EPS8L1: variants seen among roughly 807,000 people sequenced by gnomAD.
The protein encoded by EPS8L1 is epidermal growth factor receptor kinase substrate 8-like protein 1.
A neutral mutation model predicts 91.7 loss-of-function variants in EPS8L1; 101 were observed. That is an observed-to-expected ratio of 1.10 (90% CI 0.94 to 1.30). The LOEUF is 1.30. Ranked by LOEUF, EPS8L1 falls within the 50% of genes most tolerant of loss-of-function variation. The probability of loss-of-function intolerance (pLI) is 0.00; values close to 1 mark genes in which losing one functional copy is unlikely to be tolerated. For synonymous variants in EPS8L1, 506 were observed against 445.3 expected, an observed-to-expected ratio of 1.14 and a Z score of -1.72; for missense variants, 1,114 against 1,017.0, an observed-to-expected ratio of 1.10 and a Z score of -1.30.
Position 55,086,857 on chromosome 19 carries a change from G to C in EPS8L1, c.1921G>C (p.Ala641Pro). The C allele has an allele frequency of 1.4e-6, 2 of 1,479,458 alleles. No individual in the cohort carries two copies. Among genetic ancestry groups the C allele is most frequent in the Non-Finnish European group, 1.8e-6 (2 of 1,120,990 alleles). The allele number at this position is 1,479,458 out of a possible 1,614,324, so 91.6% of individuals were successfully genotyped here. ...SPGSDASEVR[A>P]WLQAKGFSSG... ...GGGCTCGGACGCCTCCGAGGTCCGC[G>C]CCTGGCTGCAGGCCAAGGGCTTTAG... is the stretch of plus-strand genomic sequence containing the variant. Residue 641 changes from alanine (A) to proline (P), a missense_variant, in exon 18 of 20, where the codon GCC (alanine) becomes CCC (proline). Transcript: ENST00000201647.
rs777798635 is a variant in EPS8L1 at position 55,082,415 on chromosome 19, G to A, written c.1066-39G>A. On this transcript the variant is annotated intron_variant, in intron 11 of 19. Transcript: ENST00000201647. ...AGGAATCGGGTTCGACTTGTAGAAG[G>A]TGTGGCGGCACAGCCTGCCCCTCCT... 10 of 1,611,558 alleles carry A rather than the reference G, an allele frequency of 6.2e-6. No individual in the cohort carries two copies. In the Admixed American group the frequency reaches 6.7e-5, roughly 11 times the overall value.
chr19:55,077,030 G>A (rs2076146152), intron 2 of EPS8L1, among the ~76,000 whole-genome samples: 2 of 152,186 alleles, frequency 1.3e-5, no homozygotes, highest in African/African-American at 4.8e-5. Flanking sequence ...GGTGACATCA[G>A]ACTGGCAGGA....
chr19:55,085,493 T>C (rs774848131), intron 14 of EPS8L1, among the ~76,000 whole-genome samples: 24 of 152,088 alleles, frequency 1.6e-4, no homozygotes, highest in Non-Finnish European at 3.4e-4. Context: ...TGCTTATGAG[T>C]TATGATATAT....
chr19:55,083,367 C>G lies in EPS8L1; in HGVS notation c.1215-11C>G. On this transcript the variant is annotated splice_polypyrimidine_tract_variant and intron_variant, in intron 12 of 19. Transcript: ENST00000201647. The surrounding 1 kb of genome is among the most constrained non-coding windows in gnomAD (Gnocchi z 4.7). ...GGATCCCTGAGCTCTTGGCCCTGTC[C>G]CTGGCCGCAGGCTGGAGCTGTCCCC... 6.2e-7 allele frequency: 1 copy of G among 1,611,608 alleles called. No individual in the cohort carries two copies.
intron 11 of EPS8L1, 26 bp downstream of exon 11, chr19:55,082,375 C>A (rs762964444): frequency 1.2e-6 from 2 of 1,612,110 alleles, no homozygotes; most frequent in Non-Finnish European, 1.7e-6. Context: ...GGCCCTCGGG[C>A]CCCCCTGCAG....
rs571265611 is a variant in EPS8L1, at chr19:55,080,779, T to C, written c.437T>C (p.Leu146Pro). The change falls in exon 7 of 20, where the codon CTG becomes CCG. Residue 146 changes from leucine (L) to proline (P), a missense_variant. Coordinates refer to ENST00000201647, the MANE Select transcript of EPS8L1 (RefSeq NM_133180.3). Reference sequence around the variant, plus strand: ...TGACGGTGTGATTGGCAGGCGGAGCTGATCCGAGAGGACATCCAGGGGGCT... The same window carrying C: ...TGACGGTGTGATTGGCAGGCGGAGCCGATCCGAGAGGACATCCAGGGGGCT... ...FFQGLRLGAELIREDIQGALH... is the reference protein window; with the variant it reads ...FFQGLRLGAEPIREDIQGALH... 20 of 1,607,934 alleles carry C rather than the reference T, an allele frequency of 1.2e-5. No homozygotes were observed. In the East Asian group the frequency reaches 4.3e-4, roughly 34 times the overall value.
chr19:55,086,643 G>GC, intron 17 of EPS8L1, 71 bp from the exon 18 acceptor site: 2 of 817,508 alleles, frequency 2.4e-6, no homozygotes, highest in South Asian at 1.8e-5. Context: ...GCGCCCCCCC[G>GC]CCCCGCCCTC....
At chr19:55,080,580 C>G (rs530891779) in intron 6 of EPS8L1, 192 bp from the exon 7 acceptor site, 1 of 1,605,020 alleles carries the variant, frequency 6.2e-7, no homozygotes, top group South Asian at 1.1e-5. Context: ...TCTCCATGGG[C>G]GGGGTCGTGG....
chr19:55,078,154 G>C (rs2076169276), intron 3 of EPS8L1, 26 bp downstream of exon 3: 1 of 1,611,738 alleles, frequency 6.2e-7, no homozygotes, highest in Non-Finnish European at 8.5e-7. Context: ...GGGAGCCCCA[G>C]GCCCATAGAA....
chr19:55,082,191 G>T lies in EPS8L1; in HGVS notation c.990+11G>T, dbSNP rs1602940053. The T allele has an allele frequency of 6.3e-7, 1 of 1,588,922 alleles. No individual in the cohort carries two copies. Among genetic ancestry groups the T allele is most frequent in the East Asian group, 2.3e-5 (1 of 43,604 alleles). ...GCCTTCAGCCTGCTGGTGAGGACGC[G>T]CCCGCCCCTGGGCCGGGGCGCGGGC... On this transcript the variant is annotated intron_variant, in intron 10 of 19. Coordinates refer to ENST00000201647, the MANE Select transcript of EPS8L1 (RefSeq NM_133180.3).
In EPS8L1 at chr19:55,086,205, A is replaced by C; in HGVS notation, c.1650+13A>C. 1 of 1,592,424 alleles carries C rather than the reference A, an allele frequency of 6.3e-7. No individual in the cohort carries two copies. Among genetic ancestry groups the C allele is most frequent in the Non-Finnish European group, 8.6e-7 (1 of 1,168,792 alleles). On this transcript the variant is annotated intron_variant, in intron 16 of 19. Transcript: ENST00000201647. ...TGCCCGCAGCCTGGTGAGCCAGCGCAGACGCTGGGATCTTGAGGGTGGAGA... is the reference window on the plus strand; with the variant it reads ...TGCCCGCAGCCTGGTGAGCCAGCGCCGACGCTGGGATCTTGAGGGTGGAGA...
rs2076322258 is a variant in EPS8L1, at chr19:55,083,701, C to T, written c.1385+57C>T. ...GTCAAGGAGGGGTGCGTCCCGGGGG[C>T]TCCCGATGCTGACTCCGCCCCCTTT... On this transcript the variant is annotated intron_variant, in intron 14 of 19. Transcript: ENST00000201647. The surrounding 1 kb of genome is among the most constrained non-coding windows in gnomAD (Gnocchi z 4.7). 6.4e-7 allele frequency: 1 copy of T among 1,563,986 alleles called. No homozygotes were observed. Among genetic ancestry groups the T allele is most frequent in the African/African-American group, 1.4e-5 (1 of 73,990 alleles).
rs1296501855 is a variant in EPS8L1, at chr19:55,080,778, C to G, written c.436C>G (p.Leu146Val). Residue 146 changes from leucine (L) to valine (V), a missense_variant, in exon 7 of 20, where the codon CTG becomes GTG. Physicochemically the swap from Leu to Val is conservative, Grantham distance 32 (BLOSUM62 1). Transcript: ENST00000201647. Reference protein sequence around the residue: ...FFQGLRLGAELIREDIQGALH... With the variant: ...FFQGLRLGAEVIREDIQGALH... Reference sequence around the variant, plus strand: ...CTGACGGTGTGATTGGCAGGCGGAGCTGATCCGAGAGGACATCCAGGGGGC... The same window carrying G: ...CTGACGGTGTGATTGGCAGGCGGAGGTGATCCGAGAGGACATCCAGGGGGC... 5 of 1,606,150 alleles carry G rather than the reference C, an allele frequency of 3.1e-6. No individual in the cohort carries two copies. In the African/African-American group the frequency reaches 5.3e-5, roughly 17 times the overall value.
Position 55,083,787 on chromosome 19 carries a change from G to T in EPS8L1, c.1385+143G>T. The stretch of plus-strand genomic sequence containing the variant: ...CTCAGGTGGGTGAGATGGTGATGGG[G>T]CGGGCCGGGGCTGGGAGAGAGGGAG... On this transcript the variant is annotated intron_variant, in intron 14 of 19. Coordinates refer to ENST00000201647, the MANE Select transcript of EPS8L1 (RefSeq NM_133180.3). This position sits in a 1 kb window ranked among gnomAD's most constrained non-coding sequence, Gnocchi z 4.7. 1 of 1,072,224 alleles carries T rather than the reference G, an allele frequency of 9.3e-7. No individual in the cohort carries two copies. The highest frequency in any genetic ancestry group is 1.4e-6 in the Non-Finnish European group (1 of 721,046). The allele number at this position is 1,072,224 out of a possible 1,614,324, so 66.4% of individuals were successfully genotyped here.
At position 55,083,272 on chromosome 19, in the gene EPS8L1, T is replaced by C. The variant is rs2076309061; in HGVS notation, c.1215-106T>C. ...GTGAAAAGTGGCGGGGCTAGAATCG[T>C]TGGAATACAGCGAGCTTTAGGGGAA... On this transcript the variant is annotated intron_variant, in intron 12 of 19. Coordinates refer to ENST00000201647, the MANE Select transcript of EPS8L1 (RefSeq NM_133180.3). The surrounding 1 kb of genome is among the most constrained non-coding windows in gnomAD (Gnocchi z 4.7). 1 of 1,430,870 alleles carries C rather than the reference T, an allele frequency of 7.0e-7. No individual in the cohort carries two copies. The highest frequency in any genetic ancestry group is 9.4e-7 in the Non-Finnish European group (1 of 1,064,664). The allele number at this position is 1,430,870 out of a possible 1,614,324, so 88.6% of individuals were successfully genotyped here.
rs139740799 is a variant in EPS8L1, at chr19:55,077,772, A to G, written c.18-316A>G. ...CCCAGCTAATTTTTGTATTTTTAGT[A>G]GAGACAGGGTTTCACCATGTTGGCC... On this transcript the variant is annotated intron_variant, in intron 2 of 19. Transcript: ENST00000201647. Among the ~76,000 whole-genome samples the G allele has an allele frequency of 4.1e-4, 62 of 150,842 alleles. No homozygotes were observed. The East Asian group carries it at 0.011, about 26-fold the overall frequency.
intron 14 of EPS8L1, 42 bp from the exon 15 acceptor site, chr19:55,085,799 G>A (rs2076346267): frequency 6.3e-7 from 1 of 1,591,668 alleles, no homozygotes; most frequent in African/African-American, 1.3e-5. Flanking sequence ...GAGCAATGGG[G>A]CTGGCTGCCT....
intron 2 of EPS8L1, among the ~76,000 whole-genome samples, chr19:55,077,737 C>T (rs1392394737): frequency 1.1e-4 from 17 of 150,978 alleles, no homozygotes; most frequent in Non-Finnish European, 1.9e-4. Flanking sequence ...TACAGGCGCC[C>T]ACCACCACAC....
At chr19:55,087,249 C>CGGGCT in intron 18 of EPS8L1, 54 bp from the exon 19 acceptor site, 1 of 1,540,380 alleles carries the variant, frequency 6.5e-7, no homozygotes, top group Non-Finnish European at 8.7e-7. Flanking sequence ...CATGATTGTC[C>CGGGCT]GGGCTGGGGC....
Sources: gnomAD v4.1 joint callset for allele counts (sites outside exome capture counted in the v4.1 genomes callset) on GRCh38, gnomAD v4.1.1 for gene constraint, Gnocchi (gnomAD v3.1) non-coding constraint, MANE v1.5 for transcripts, NCBI Gene and HGNC (gene_info 2026-07-23, HGNC 2026-07-21) for gene names.